PLEKHA6: variants seen among roughly 807,000 people sequenced by gnomAD.
PLEKHA6 encodes the protein pleckstrin homology domain containing A6.
A neutral mutation model predicts 116.7 loss-of-function variants in PLEKHA6; 60 were observed. The observed-to-expected ratio is 0.51, with a 90% CI of 0.42 to 0.64. The LOEUF (loss-of-function observed/expected upper bound fraction) is 0.64. Ranked by LOEUF, PLEKHA6 falls within the 30% of genes least tolerant of loss-of-function variation. PLEKHA6 has a pLI of 0.00. For synonymous variants in PLEKHA6, 489 were observed against 556.1 expected (o/e 0.88, Z 1.70); for missense variants, 1,338 against 1,422.7 (o/e 0.94, Z 0.96).
rs950391605 is a variant in PLEKHA6 at position 204,243,920 on chromosome 1, A to G, written c.2172+944T>C. 3.9e-5 allele frequency among the ~76,000 whole-genome samples: 6 copies of G among 152,252 alleles called. No individual in the cohort carries two copies. In the East Asian group the frequency reaches 1.2e-3, roughly 29 times the overall value. ...ACTGCAAGCTCCGCCTCATGGGTTC[A>G]CGCCATTCTCCTGGCTCAGCCTCCG... is the stretch of plus-strand genomic sequence containing the variant. On this transcript the variant is annotated intron_variant, in intron 15 of 22. Transcript: ENST00000272203.
In PLEKHA6 at chr1:204,257,836, G is replaced by A; in HGVS notation, c.1041C>T (p.Val347=). ...PSRFYPVSRR[V]PEYYGPYSSQ... ...AGGAGTAGGGGCCATAGTACTCAGG[G>A]ACCCTGCGAGACACAGGATAGAACC... The change falls in exon 9 of 23, where the codon GTC becomes GTT. Residue 347 remains valine, a synonymous_variant. Coordinates refer to ENST00000272203, the MANE Select transcript of PLEKHA6 (RefSeq NM_014935.5). The surrounding 1 kb of genome is among the most constrained non-coding windows in gnomAD (Gnocchi z 6.5). The A allele has an allele frequency of 3.1e-6, 5 of 1,613,468 alleles. No homozygotes were observed. The highest frequency in any genetic ancestry group is 4.2e-6 in the Non-Finnish European group (5 of 1,179,624).
chr1:204,349,784 G>C (rs1673215300), intron 1 of PLEKHA6, among the ~76,000 whole-genome samples: 1 of 152,178 alleles, frequency 6.6e-6, no homozygotes, highest in African/African-American at 2.4e-5. Flanking sequence ...TGAGAGCAGT[G>C]GGGGAGGGCC....
intron 1 of PLEKHA6, chr1:204,275,081 T>A: frequency 3.9e-6 from 1 of 258,382 alleles, no homozygotes; most frequent in Non-Finnish European, 6.1e-6. Context: ...TAAGCCACAC[T>A]GAACTCTTTC....
At chr1:204,332,865 G>A (rs1337665294) in intron 1 of PLEKHA6, among the ~76,000 whole-genome samples, 1 of 152,210 alleles carries the variant, frequency 6.6e-6, no homozygotes, top group African/African-American at 2.4e-5. Context: ...TAAAGTCACT[G>A]TGATTCTTTC....
At chr1:204,260,882 G>A (rs139808181) in intron 7 of PLEKHA6, among the ~76,000 whole-genome samples, 2 of 152,348 alleles carry the variant, frequency 1.3e-5, no homozygotes, top group Non-Finnish European at 2.9e-5. Flanking sequence ...TTTTTGAGCA[G>A]AGGAACCTCG....
chr1:204,320,752 G>A (rs1203970930), intron 1 of PLEKHA6, among the ~76,000 whole-genome samples: 2 of 152,196 alleles, frequency 1.3e-5, no homozygotes, highest in Non-Finnish European at 1.5e-5. Context: ...ACACTGGGCT[G>A]GCCTGCAGCA....
At chr1:204,258,117 G>A (rs1200371237) in intron 8 of PLEKHA6, among the ~76,000 whole-genome samples, 1 of 152,118 alleles carries the variant, frequency 6.6e-6, no homozygotes, top group African/African-American at 2.4e-5. Flanking sequence ...CATATCCCTA[G>A]GAAGAAACGT....
At chr1:204,244,096 C>T (rs537828178) in intron 15 of PLEKHA6, among the ~76,000 whole-genome samples, 67 of 152,248 alleles carry the variant, frequency 4.4e-4, no homozygotes, top group Non-Finnish European at 8.5e-4. Flanking sequence ...TCTGGGATTA[C>T]AGGCGTGAGC....
At chr1:204,297,087 A>G (rs890955572) in intron 1 of PLEKHA6, 1 of 983,620 alleles carries the variant, frequency 1.0e-6, no homozygotes, top group African/African-American at 1.7e-5. Context: ...GGAGAGAGAA[A>G]GGAAAAGAAT....
chr1:204,367,261 C>A (rs776544541), intron 3 of PLEKHA6, among the ~76,000 whole-genome samples: 5 of 152,242 alleles, frequency 3.3e-5, no homozygotes, highest in Admixed American at 1.3e-4. Flanking sequence ...ACAGAGGGGC[C>A]TGACCAACTC....
chr1:204,231,726 C>G (rs957201770), intron 17 of PLEKHA6, among the ~76,000 whole-genome samples: 1 of 151,946 alleles, frequency 6.6e-6, no homozygotes, highest in African/African-American at 2.4e-5. Context: ...TGCCACTGCA[C>G]CTGGCAAATT....
At chr1:204,368,076 G>C (rs753187835) in intron 2 of PLEKHA6, among the ~76,000 whole-genome samples, 1 of 152,204 alleles carries the variant, frequency 6.6e-6, no homozygotes, top group Non-Finnish European at 1.5e-5. Flanking sequence ...GGGAGTGGAC[G>C]GGATGTCCTC....
At chr1:204,331,625 TAGA>T (rs1307343507) in intron 1 of PLEKHA6, among the ~76,000 whole-genome samples, 1 of 151,970 alleles carries the variant, frequency 6.6e-6, no homozygotes, top group Non-Finnish European at 1.5e-5. Flanking sequence ...AGGGAGAACA[TAGA>T]AGGTGAGAGA....
chr1:204,280,869 T>C (rs1055474946), intron 1 of PLEKHA6: 13 of 235,752 alleles, frequency 5.5e-5, no homozygotes, highest in Non-Finnish European at 9.0e-5. Context: ...TTCCTGAAGC[T>C]CCCCCTGCCA....
At chr1:204,360,279 G>A (rs1268320939), upstream of PLEKHA6, among the ~76,000 whole-genome samples, 1 of 149,300 alleles carries the variant, frequency 6.7e-6, no homozygotes, top group African/African-American at 2.6e-5. Flanking sequence ...CACCCAGCCA[G>A]CCTGGTGATC....
intron 1 of PLEKHA6, among the ~76,000 whole-genome samples, chr1:204,371,768 A>G (rs1386633716): frequency 6.6e-6 from 1 of 152,256 alleles, no homozygotes; most frequent in Non-Finnish European, 1.5e-5. Context: ...AGAATTATTT[A>G]CTAAGCACAC....
At chr1:204,340,076 A>G (rs1672790846) in intron 1 of PLEKHA6, among the ~76,000 whole-genome samples, 1 of 152,210 alleles carries the variant, frequency 6.6e-6, no homozygotes, top group Non-Finnish European at 1.5e-5. Flanking sequence ...GACCTCACAA[A>G]TCAAAAAAAT....
chr1:204,322,275 A>G (rs1044690043), intron 1 of PLEKHA6, among the ~76,000 whole-genome samples: 1 of 152,112 alleles, frequency 6.6e-6, no homozygotes, highest in African/African-American at 2.4e-5. Context: ...CACACTAACA[A>G]TGAGCGCCTA....
Position 204,259,517 on chromosome 1 carries a change from C to T in PLEKHA6, c.748G>A (p.Gly250Ser). The T allele has an allele frequency of 6.2e-7, 1 of 1,614,100 alleles. No individual in the cohort carries two copies. The part of the protein sequence containing the change: ...PAGPEPASEP[G>S]SPYPEGPRVP... ...CTTGGGCCCTCGGGGTAAGGGCTGC[C>T]CGGCTCTGAGGCTGGCTCCGGTCCA... Residue 250 changes from glycine (G) to serine (S), a missense_variant, in exon 8 of 23, where the codon GGC becomes AGC. Physicochemically the swap from Gly to Ser is moderately conservative, Grantham distance 56 (BLOSUM62 0). Coordinates refer to ENST00000272203, the MANE Select transcript of PLEKHA6 (RefSeq NM_014935.5). The surrounding 1 kb of genome is among the most constrained non-coding windows in gnomAD (Gnocchi z 4.6).
Sources: allele counts gnomAD v4.1 joint callset (sites outside exome capture counted in the v4.1 genomes callset), GRCh38; gene constraint gnomAD v4.1.1; non-coding constraint Gnocchi (gnomAD v3.1); transcripts MANE v1.5; gene names NCBI Gene and HGNC (gene_info 2026-07-23, HGNC 2026-07-21).